ZDHHC11: variants seen among roughly 807,000 people sequenced by gnomAD.
ZDHHC11 encodes palmitoyltransferase ZDHHC11.
In ZDHHC11, 44 loss-of-function variants were observed where a neutral mutation model predicts 51.3. The observed-to-expected ratio is 0.86, with a 90% CI of 0.67 to 1.10. The LOEUF (loss-of-function observed/expected upper bound fraction) is 1.10. ZDHHC11 is among the 50% of genes least tolerant of loss of function. The pLI, the probability that ZDHHC11 is intolerant of heterozygous loss-of-function variation, is 0.00. For missense variants in ZDHHC11, 400 were observed against 537.7 expected, an observed-to-expected ratio of 0.74 and a Z score of 2.53; for synonymous variants, 163 against 222.0, an observed-to-expected ratio of 0.73 and a Z score of 2.36.
chr5:850,782 C>G lies in ZDHHC11; in HGVS notation c.-180G>C. The G allele has an allele frequency of 2.7e-6, 2 of 737,242 alleles. No homozygotes were observed. The highest frequency in any genetic ancestry group is 4.3e-6 in the Non-Finnish European group (2 of 460,952). The allele number at this position is 737,242 out of a possible 1,614,324, so 45.7% of individuals were successfully genotyped here. ...GAGGGAGCAGGGGCTGGGCTGGAGT[C>G]GGTGCAGGGCCCCGCCCAGGGGAAT... On this transcript the variant is annotated 5_prime_UTR_variant, in exon 1 of 13. Coordinates refer to ENST00000283441, the MANE Select transcript of ZDHHC11 (RefSeq NM_024786.3).
Position 850,393 on chromosome 5 carries a change from G to A in ZDHHC11, c.210C>T (p.Tyr70=), listed in dbSNP as rs779987791. The A allele has an allele frequency of 8.1e-6, 13 of 1,613,534 alleles. No homozygotes were observed. In the South Asian group the frequency reaches 1.3e-4, roughly 16 times the overall value. Residue 70 remains tyrosine (Y), a synonymous_variant, in exon 1 of 13, where the codon TAC becomes TAT. Coordinates refer to ENST00000283441, the MANE Select transcript of ZDHHC11 (RefSeq NM_024786.3). The part of the protein sequence containing the change: ...FIPFLPHAWK[Y]IAYVVTGGIF... ...ATGAAAAGGATACCACGTAGGCAAT[G>A]TATTTCCACGCGTGAGGCAGGAAGG...
rs547136812 is a variant in ZDHHC11, at chr5:850,528, C to T, written c.75G>A (p.Pro25=). The T allele has an allele frequency of 1.7e-5, 27 of 1,613,762 alleles. No homozygotes were observed. Among genetic ancestry groups the T allele is most frequent in the Middle Eastern group, 1.6e-4 (1 of 6,062 alleles). The change falls in exon 1 of 13, where the codon CCG becomes CCA. Residue 25 remains proline (P), a synonymous_variant. Coordinates refer to ENST00000283441, the MANE Select transcript of ZDHHC11 (RefSeq NM_024786.3). ...AILNNEKLVL[P]PRISRVNGWS... Reference sequence around the variant, plus strand: ...AGCCGTTCACTCTGGAGATGCGGGGCGGCAAGACCAGCTTTTCATTATTGA... The same window carrying T: ...AGCCGTTCACTCTGGAGATGCGGGGTGGCAAGACCAGCTTTTCATTATTGA...
At chr5:840,823 G>C in intron 4 of ZDHHC11, 173 bp from the exon 5 acceptor site, 3 of 1,480,518 alleles carry the variant, frequency 2.0e-6, no homozygotes, top group African/African-American at 1.4e-5. Context: ...CGTAGGCCCT[G>C]CTGCCTTCGG....
chr5:850,378 T>C lies in ZDHHC11; in HGVS notation c.222+3A>G. The C allele has an allele frequency of 1.9e-6, 3 of 1,613,442 alleles. No individual in the cohort carries two copies. Among genetic ancestry groups the C allele is most frequent in the East Asian group, 2.2e-5 (1 of 44,868 alleles). On this transcript the variant is annotated splice_donor_region_variant and intron_variant, in intron 1 of 12. Coordinates refer to ENST00000283441, the MANE Select transcript of ZDHHC11 (RefSeq NM_024786.3). ...TTAGACCATGCCACGATGAAAAGGATACCACGTAGGCAATGTATTTCCACG... is the reference window on the plus strand; with the variant it reads ...TTAGACCATGCCACGATGAAAAGGACACCACGTAGGCAATGTATTTCCACG...
intron 3 of ZDHHC11, among the ~76,000 whole-genome samples, 176 bp from the exon 4 acceptor site, chr5:843,900 G>A (rs932065596): frequency 8.0e-6 from 1 of 125,302 alleles, no homozygotes; most frequent in African/African-American, 3.4e-5. Context: ...GGGCGGGGAG[G>A]CAGGGGCAGG....
intron 1 of ZDHHC11, among the ~76,000 whole-genome samples, chr5:858,455 C>T (rs1482607350): frequency 1.3e-5 from 2 of 152,228 alleles, no homozygotes; most frequent in Non-Finnish European, 2.9e-5. Flanking sequence ...AGTCCCCATC[C>T]TGTCTTTATG....
chr5:824,964 C>T (rs1440640146), intron 8 of ZDHHC11, among the ~76,000 whole-genome samples, 200 bp downstream of exon 8: 1 of 151,492 alleles, frequency 6.6e-6, no homozygotes, highest in Non-Finnish European at 1.5e-5. Context: ...TCTCTGTCAC[C>T]CACAGCTGGG....
chr5:817,471 G>A (rs1740958604), intron 10 of ZDHHC11, among the ~76,000 whole-genome samples: 1 of 151,352 alleles, frequency 6.6e-6, no homozygotes, highest in South Asian at 2.1e-4. Context: ...ATCTCACTTG[G>A]GGAAAACTTT....
chr5:807,014 C>T (rs1739356430), intron 11 of ZDHHC11, among the ~76,000 whole-genome samples: 1 of 151,034 alleles, frequency 6.6e-6, no homozygotes, highest in Non-Finnish European at 1.5e-5. Context: ...ACCTGTACAA[C>T]AGGAGATCTG....
Position 805,207 on chromosome 5 carries a change from G to C in ZDHHC11, c.1182-4043C>G, listed in dbSNP as rs759187730. ...TAATCCTAGCCTTTGGGAGGCTAAA[G>C]TGGGAGGATCGTGTGAGACCAGGAG... On this transcript the variant is annotated intron_variant, in intron 11 of 12. Transcript: ENST00000283441. Among the ~76,000 whole-genome samples, 32 of 151,406 alleles carry C rather than the reference G, an allele frequency of 2.1e-4. 1 individual carries two copies. The highest frequency in any genetic ancestry group is 4.6e-4 in the Admixed American group (7 of 15,206).
chr5:833,107 A>G (rs1404014987), intron 7 of ZDHHC11, among the ~76,000 whole-genome samples: 1 of 152,224 alleles, frequency 6.6e-6, no homozygotes, highest in Non-Finnish European at 1.5e-5. Context: ...GAATAAAACT[A>G]AGCATACTGT....
chr5:803,238 T>C (rs1462141730), intron 11 of ZDHHC11, among the ~76,000 whole-genome samples: 1 of 151,238 alleles, frequency 6.6e-6, no homozygotes, highest in Non-Finnish European at 1.5e-5. Flanking sequence ...CCCTGAGGGA[T>C]CAATACAGAG....
At position 821,892 on chromosome 5, in the gene ZDHHC11, C is replaced by T; in HGVS notation, c.1027G>A (p.Gly343Arg). The T allele has an allele frequency of 6.2e-7, 1 of 1,605,222 alleles. No homozygotes were observed. The highest frequency in any genetic ancestry group is 8.5e-7 in the Non-Finnish European group (1 of 1,174,266). The change falls in exon 9 of 13, where the codon GGG (glycine) becomes AGG (arginine). Residue 343 changes from glycine to arginine, a missense_variant. Coordinates refer to ENST00000283441, the MANE Select transcript of ZDHHC11 (RefSeq NM_024786.3). Reference sequence around the variant, plus strand: ...GCAGATGGACACGGGTCTTCATCCCCTTCCTGTGGGGAAGTGAAGCAAAAT... The same window carrying T: ...GCAGATGGACACGGGTCTTCATCCCTTTCCTGTGGGGAAGTGAAGCAAAAT... Reference protein sequence around the residue: ...NQDGDSTAREGDEDPCPSALG... With the variant: ...NQDGDSTARERDEDPCPSALG...
At chr5:841,264 G>A (rs1163030112) in intron 4 of ZDHHC11, 17 of 1,021,666 alleles carry the variant, frequency 1.7e-5, no homozygotes, top group Non-Finnish European at 1.6e-5. Context: ...TTTCCTAAGT[G>A]CCAGGGCCCC....
At chr5:819,704 A>G in intron 9 of ZDHHC11, 92 bp from the exon 10 acceptor site, 2 of 1,327,474 alleles carry the variant, frequency 1.5e-6, no homozygotes, top group South Asian at 1.2e-5. Flanking sequence ...TGTAAGCACC[A>G]CTGCAGTGGG....
At chr5:844,995 T>C (rs1218500718) in intron 3 of ZDHHC11, among the ~76,000 whole-genome samples, 1 of 152,304 alleles carries the variant, frequency 6.6e-6, no homozygotes, top group Non-Finnish European at 1.5e-5. Context: ...CATTGTATTA[T>C]GTTCACCTAA....
intron 8 of ZDHHC11, chr5:824,158 C>T (rs1438816876): frequency 2.2e-6 from 1 of 446,538 alleles, no homozygotes; most frequent in Non-Finnish European, 4.5e-6. Flanking sequence ...ACAAAACCTG[C>T]TCAAAAGGAC....
chr5:834,467 T>C, intron 6 of ZDHHC11, among the ~76,000 whole-genome samples: 1 of 152,292 alleles, frequency 6.6e-6, no homozygotes, highest in Non-Finnish European at 1.5e-5. Context: ...TCCCATTGTG[T>C]CCAGCCCTCT....
At chr5:809,704 CAT>C (rs1240033647) in intron 11 of ZDHHC11, among the ~76,000 whole-genome samples, 21 of 121,082 alleles carry the variant, frequency 1.7e-4, no homozygotes, top group African/African-American at 5.6e-4. Flanking sequence ...GTGAGAAATA[CAT>C]GTTTGTTGCC....
Sources: allele counts gnomAD v4.1 joint callset (sites outside exome capture counted in the v4.1 genomes callset), GRCh38; gene constraint gnomAD v4.1.1; transcripts MANE v1.5; gene names NCBI Gene and HGNC (gene_info 2026-07-23, HGNC 2026-07-21).